LARP4B: variants seen among roughly 807,000 people sequenced by gnomAD.
The protein encoded by LARP4B is la-related protein 4B.
Under a neutral mutation model 89.8 loss-of-function variants are expected in LARP4B, and 12 were observed. The ratio of observed to expected loss-of-function variants is 0.13; its 90% CI spans 0.09 to 0.22. LARP4B has a LOEUF of 0.22. Ranked by LOEUF, LARP4B falls within the 10% of genes least tolerant of loss-of-function variation. The pLI is 1.00. For missense variants in LARP4B, 757 were observed against 947.7 expected, an observed-to-expected ratio of 0.80 and a Z score of 2.64; for synonymous variants, 367 against 363.3, an observed-to-expected ratio of 1.01 and a Z score of -0.12.
At chr10:872,551 A>G (rs1238028754) in intron 3 of LARP4B, among the ~76,000 whole-genome samples, 1 of 152,164 alleles carries the variant, frequency 6.6e-6, no homozygotes, top group Non-Finnish European at 1.5e-5. Context: ...TCCTCTCCCT[A>G]TCGGATAGGT....
intron 5 of LARP4B, among the ~76,000 whole-genome samples, chr10:857,031 C>A (rs1451558427): frequency 6.6e-6 from 1 of 152,018 alleles, no homozygotes; most frequent in Non-Finnish European, 1.5e-5. Context: ...GGAAGGCGTC[C>A]CCTGCCCACA....
intron 1 of LARP4B, among the ~76,000 whole-genome samples, chr10:926,912 T>C (rs1837153664): frequency 6.6e-6 from 1 of 152,024 alleles, no homozygotes; most frequent in Non-Finnish European, 1.5e-5. Flanking sequence ...GGCACGCACC[T>C]GTATGTAGTC....
chr10:963,585 CAGG>C, the LARP4B span, among the ~76,000 whole-genome samples: 1 of 152,190 alleles, frequency 6.6e-6, no homozygotes, highest in Non-Finnish European at 1.5e-5. Flanking sequence ...CCCCATCTTC[CAGG>C]AGTTTACAAA....
At chr10:841,797 T>C (rs1458613597) in intron 7 of LARP4B, among the ~76,000 whole-genome samples, 3 of 152,304 alleles carry the variant, frequency 2.0e-5, no homozygotes, top group Non-Finnish European at 2.9e-5. Flanking sequence ...TCACAGTCAA[T>C]GGTAATTATG....
In LARP4B at chr10:829,550, T is replaced by C; in HGVS notation, c.960A>G (p.Pro320=). 3 of 1,614,194 alleles carry C rather than the reference T, an allele frequency of 1.9e-6. No individual in the cohort carries two copies. Among genetic ancestry groups the C allele is most frequent in the Non-Finnish European group, 1.7e-6 (2 of 1,180,028 alleles). Reference sequence around the variant, plus strand: ...CGTCCAGGGGTCTAAATCCATTCTTTGGCAAAAATGTGTTTATAGCTATTG... The same window carrying C: ...CGTCCAGGGGTCTAAATCCATTCTTCGGCAAAAATGTGTTTATAGCTATTG... ...AKAIAINTFL[P]KNGFRPLDVS... is the part of the protein sequence containing the mutation. Residue 320 remains proline, a synonymous_variant, in exon 11 of 18, where the codon CCA becomes CCG. Transcript: ENST00000316157.
chr10:969,885 C>G, the LARP4B span, among the ~76,000 whole-genome samples: 1 of 152,212 alleles, frequency 6.6e-6, no homozygotes, highest in South Asian at 2.1e-4. Flanking sequence ...ACCTGCATGC[C>G]CACATGGAAG....
rs775845498 is a variant in LARP4B at position 836,503 on chromosome 10, A to G, written c.650T>C (p.Leu217Ser). The change falls in exon 8 of 18, where the codon TTA (leucine) becomes TCA (serine). Residue 217 changes from leucine (L) to serine (S), a missense_variant. This residue lies in a region of LARP4B where 54 missense variants were observed against 96.0 expected (regional missense o/e 0.56). Coordinates refer to ENST00000316157, the MANE Select transcript of LARP4B (RefSeq NM_015155.3). ...CTTTTCATCCACTTGGACTAAAGGT[A>G]AAGCTACAAAGAGAAGAAAAATCAA... The part of the protein sequence containing the change: ...VDLIVEVLRS[L>S]PLVQVDEKGE... The G allele has an allele frequency of 6.3e-7, 1 of 1,595,220 alleles. No homozygotes were observed. Among genetic ancestry groups the G allele is most frequent in the Non-Finnish European group, 8.6e-7 (1 of 1,165,968 alleles).
intron 1 of LARP4B, among the ~76,000 whole-genome samples, chr10:907,444 T>C (rs753240851): frequency 6.6e-6 from 1 of 152,242 alleles, no homozygotes; most frequent in African/African-American, 2.4e-5. Context: ...TTTTATTCTC[T>C]AGACTTTGTA....
chr10:931,927 GCGCGTGCGCGCACATCGCCCCGCCC>G (rs1429736489), upstream of LARP4B, among the ~76,000 whole-genome samples: 2 of 149,520 alleles, frequency 1.3e-5, no homozygotes, highest in Non-Finnish European at 3.0e-5. Context: ...CTTGCGATTG[GCGCGTGCGCGCACATCGCCCCGCCC>G]CGCGCACGCC....
intron 1 of LARP4B, among the ~76,000 whole-genome samples, chr10:924,605 G>A (rs1216673147): frequency 2.0e-5 from 3 of 152,166 alleles, no homozygotes; most frequent in Non-Finnish European, 4.4e-5. Flanking sequence ...CTTCAGCCTT[G>A]TTCACACTAG....
the LARP4B span, among the ~76,000 whole-genome samples, chr10:964,345 G>A: frequency 3.3e-5 from 5 of 152,236 alleles, no homozygotes; most frequent in African/African-American, 9.6e-5. Context: ...GATTACAGGC[G>A]TGGGTCACCA....
chr10:902,894 C>T (rs867502481), intron 1 of LARP4B, among the ~76,000 whole-genome samples: 4 of 152,178 alleles, frequency 2.6e-5, no homozygotes, highest in South Asian at 2.1e-4. Flanking sequence ...CCGCCCACCT[C>T]GGCCTCGAAA....
At chr10:925,368 A>C (rs1286288959) in intron 1 of LARP4B, among the ~76,000 whole-genome samples, 4 of 152,178 alleles carry the variant, frequency 2.6e-5, no homozygotes, top group African/African-American at 9.7e-5. Context: ...CAGGCCCTTT[A>C]GCAATACTTA....
chr10:980,103 G>C, the LARP4B span, among the ~76,000 whole-genome samples: 5 of 152,208 alleles, frequency 3.3e-5, no homozygotes, highest in Non-Finnish European at 7.3e-5. Flanking sequence ...TAAATCTTAA[G>C]GCTCCAAAAT....
chr10:848,514 T>C (rs1833886814), intron 5 of LARP4B, among the ~76,000 whole-genome samples: 1 of 151,460 alleles, frequency 6.6e-6, no homozygotes. Context: ...TTAAAAGTTA[T>C]CATAACTGTA....
chr10:826,956 T>C (rs1832656072), intron 11 of LARP4B, among the ~76,000 whole-genome samples: 1 of 152,170 alleles, frequency 6.6e-6, no homozygotes, highest in South Asian at 2.1e-4. Context: ...AACTCTTCAC[T>C]CTGTAAGAAT....
chr10:818,645 C>CA (rs1832186823), intron 14 of LARP4B: 1 of 152,224 alleles, frequency 6.6e-6, no homozygotes, highest in Non-Finnish European at 1.5e-5. Context: ...AACAAGCTGG[C>CA]AGTCATTTTG....
chr10:965,202 C>T, the LARP4B span, among the ~76,000 whole-genome samples: 1,112 of 152,338 alleles, frequency 7.3e-3, 6 homozygotes, highest in Non-Finnish European at 0.012. Context: ...TGGGAGTGCC[C>T]GTGGGGCAAG....
the LARP4B span, among the ~76,000 whole-genome samples, chr10:949,033 G>T: frequency 2.0e-5 from 3 of 152,350 alleles, no homozygotes; most frequent in African/African-American, 7.2e-5. Flanking sequence ...GAAGTTGCCA[G>T]GTCCGACAGT....
Sources: allele counts gnomAD v4.1 joint callset (sites outside exome capture counted in the v4.1 genomes callset), GRCh38; gene constraint gnomAD v4.1.1; regional missense constraint gnomAD v4.1.1; transcripts MANE v1.5; gene names NCBI Gene and HGNC (gene_info 2026-07-23, HGNC 2026-07-21).